ZNF653: variants seen among roughly 807,000 people sequenced by gnomAD.
ZNF653 encodes the protein zinc finger protein 653.
In ZNF653, 37 loss-of-function variants were observed where a neutral mutation model predicts 59.9. The ratio of observed to expected loss-of-function variants is 0.62; its 90% confidence interval spans 0.48 to 0.81. The LOEUF (loss-of-function observed/expected upper bound fraction) is 0.81, where lower values mean the gene tolerates loss of function less well. ZNF653 is among the 40% of genes least tolerant of loss of function. The pLI, the probability that ZNF653 is intolerant of heterozygous loss-of-function variation, is 0.00. For synonymous variants in ZNF653, 435 were observed against 371.8 expected (o/e 1.17, Z -1.96); for missense variants, 808 against 881.1 (o/e 0.92, Z 1.05).
chr19:11,493,401 G>C (rs987073427), intron 3 of ZNF653, among the ~76,000 whole-genome samples: 3 of 152,132 alleles, frequency 2.0e-5, no homozygotes, highest in Non-Finnish European at 4.4e-5. Context: ...AAGGGTTTAG[G>C]ACAGTAGGAG....
rs549320045 is a variant in ZNF653, at chr19:11,483,929, G to A, written c.1671-70C>T. ...GGGCGGGGCGGGGCCCTACAAGGCCGAGCGCAGGTGGAACCGGGCCCAGAC... is the reference window on the plus strand; with the variant it reads ...GGGCGGGGCGGGGCCCTACAAGGCCAAGCGCAGGTGGAACCGGGCCCAGAC... On this transcript the variant is annotated intron_variant, in intron 8 of 8. Coordinates refer to ENST00000293771, the MANE Select transcript of ZNF653 (RefSeq NM_138783.4). The A allele has an allele frequency of 6.4e-4, 971 of 1,516,218 alleles. 9 individuals are homozygous for A. In the African/African-American group the frequency reaches 0.012, roughly 19 times the overall value. The allele number at this position is 1,516,218 out of a possible 1,614,324, so 93.9% of individuals were successfully genotyped here.
Position 11,498,354 on chromosome 19 carries a change from G to T in ZNF653, c.300-15C>A. ...CCCAAGGCTTCCTGCAACAGAAAGA[G>T]GCAGAGAGGGTGAACGGGGGACCAG... On this transcript the variant is annotated splice_polypyrimidine_tract_variant and intron_variant, in intron 1 of 8. Transcript: ENST00000293771. 6.2e-7 allele frequency: 1 copy of T among 1,614,062 alleles called. No individual in the cohort carries two copies. Among genetic ancestry groups the T allele is most frequent in the South Asian group, 1.1e-5 (1 of 91,078 alleles).
intron 7 of ZNF653, 131 bp downstream of exon 7, chr19:11,485,525 G>C (rs1016965403): frequency 1.9e-5 from 12 of 647,882 alleles, no homozygotes; most frequent in Middle Eastern, 4.2e-4. Context: ...GGACAGGGAG[G>C]AGGCTCCTAG....
At chr19:11,493,978 C>T (rs1290338781) in intron 3 of ZNF653, among the ~76,000 whole-genome samples, 1 of 151,840 alleles carries the variant, frequency 6.6e-6, no homozygotes. Context: ...ATGATGGCAC[C>T]ACTGCACTCC....
intron 1 of ZNF653, among the ~76,000 whole-genome samples, chr19:11,502,074 T>C (rs1410894143): frequency 6.6e-6 from 1 of 151,940 alleles, no homozygotes; most frequent in Non-Finnish European, 1.5e-5. Context: ...ATTATAGGCG[T>C]GAGCCATCGC....
rs1363820591 is a variant in ZNF653, at chr19:11,483,827, C to T, written c.1703G>A (p.Arg568His). Reference protein sequence around the residue: ...CEICGYQCRQRASLNWHMKKH... With the variant: ...CEICGYQCRQHASLNWHMKKH... ...CTTCATGTGCCAGTTGAGCGACGCG[C>T]GCTGCCGGCACTGGTAGCCACAGAT... Residue 568 changes from arginine (R) to histidine (H), a missense_variant, in exon 9 of 9, where the codon CGC becomes CAC. Arg to His is a conservative substitution (Grantham distance 29). Coordinates refer to ENST00000293771, the MANE Select transcript of ZNF653 (RefSeq NM_138783.4). 3 of 1,603,282 alleles carry T rather than the reference C, an allele frequency of 1.9e-6. No individual in the cohort carries two copies. The highest frequency in any genetic ancestry group is 2.6e-6 in the Non-Finnish European group (3 of 1,175,802).
rs368143464 is a variant in ZNF653 at position 11,489,950 on chromosome 19, G to A, written c.560-2047C>T. 3.9e-4 allele frequency among the ~76,000 whole-genome samples: 60 copies of A among 152,314 alleles called. 1 individual carries two copies. The South Asian group carries it at 9.7e-3, about 25-fold the overall frequency. ...CTAATGGGGTTAAAGGCCACCCTCC[G>A]ATTCTCGATGCCAACTGAATGTCCA... On this transcript the variant is annotated intron_variant, in intron 3 of 8. Transcript: ENST00000293771.
chr19:11,500,250 C>A (rs1351177880), intron 1 of ZNF653, among the ~76,000 whole-genome samples: 1 of 152,190 alleles, frequency 6.6e-6, no homozygotes, highest in Non-Finnish European at 1.5e-5. Context: ...CTGCCTCTGG[C>A]TCTGCTACTC....
chr19:11,502,185 G>A (rs1220768313), intron 1 of ZNF653, among the ~76,000 whole-genome samples: 2 of 151,874 alleles, frequency 1.3e-5, no homozygotes, highest in Non-Finnish European at 2.9e-5. Context: ...TCCACCTCCC[G>A]GGTTCCAGTG....
At chr19:11,492,665 T>G (rs1971540957) in intron 3 of ZNF653, among the ~76,000 whole-genome samples, 1 of 152,048 alleles carries the variant, frequency 6.6e-6, no homozygotes, top group Admixed American at 6.6e-5. Context: ...TTTTTATTGG[T>G]TTATCCTGCT....
At chr19:11,486,915 G>C (rs375704102) in intron 5 of ZNF653, 35 bp from the exon 6 acceptor site, 1 of 1,610,532 alleles carries the variant, frequency 6.2e-7, no homozygotes, top group South Asian at 1.1e-5. Context: ...CGGGGCTCCC[G>C]CACCAGGCAG....
rs768490880 is a variant in ZNF653 at position 11,495,927 on chromosome 19, G to A, written c.559+23C>T. ...CCCCCAGAAATGGGCGGCCCCCTAT[G>A]TGCCCTCGCCCTGCAGACCTACCTT... is the stretch of plus-strand genomic sequence containing the variant. On this transcript the variant is annotated intron_variant, in intron 3 of 8. Transcript: ENST00000293771. The surrounding 1 kb of genome is among the most constrained non-coding windows in gnomAD (Gnocchi z 4.9). 2 of 1,607,462 alleles carry A rather than the reference G, an allele frequency of 1.2e-6. No individual in the cohort carries two copies. The highest frequency in any genetic ancestry group is 1.7e-5 in the Admixed American group (1 of 59,264).
Position 11,483,761 on chromosome 19 carries a change from C to G in ZNF653, c.1769G>C (p.Arg590Pro). The change falls in exon 9 of 9, where the codon CGC becomes CCC. Residue 590 changes from arginine (R) to proline (P), a missense_variant. Transcript: ENST00000293771. ...CAGCTTCTCGAAGCGCTTCCCGCAG[C>G]GATCGCACGTGAAGTTGTACTGCAC... The part of the protein sequence containing the change: ...AEVQYNFTCD[R>P]CGKRFEKLDS... The G allele has an allele frequency of 6.2e-7, 1 of 1,613,622 alleles. No individual in the cohort carries two copies. Among genetic ancestry groups the G allele is most frequent in the Non-Finnish European group, 8.5e-7 (1 of 1,179,676 alleles).
At chr19:11,498,725 T>C (rs12611081) in intron 1 of ZNF653, among the ~76,000 whole-genome samples, 11,703 of 150,976 alleles carry the variant, frequency 0.078, 724 homozygotes, top group African/African-American at 0.17. Context: ...ATTACAGGCA[T>C]GAGCCGCCAC....
At chr19:11,499,179 C>T (rs1359833282) in intron 1 of ZNF653, among the ~76,000 whole-genome samples, 1 of 152,192 alleles carries the variant, frequency 6.6e-6, no homozygotes, top group Non-Finnish European at 1.5e-5. Context: ...AGGGGTGAGG[C>T]CATCTGCCCT....
intron 1 of ZNF653, among the ~76,000 whole-genome samples, chr19:11,501,317 C>T (rs1408236136): frequency 2.6e-5 from 4 of 151,350 alleles, no homozygotes; most frequent in African/African-American, 9.7e-5. Flanking sequence ...TAGCTGGGAC[C>T]ACAGGCATGC....
At chr19:11,489,245 GCTGGAGTGCAGTGGTGCGAT>G (rs1214873556) in intron 3 of ZNF653, among the ~76,000 whole-genome samples, 2 of 151,944 alleles carry the variant, frequency 1.3e-5, no homozygotes, top group Non-Finnish European at 2.9e-5. Flanking sequence ...TGTCACCCAG[GCTGGAGTGCAGTGGTGCGAT>G]CCGGGCTCAC....
chr19:11,485,417 C>T (rs919066012), intron 7 of ZNF653, among the ~76,000 whole-genome samples: 37 of 152,106 alleles, frequency 2.4e-4, no homozygotes, highest in African/African-American at 8.7e-4. Context: ...GGCATGGGGT[C>T]GCGGGGATAG....
intron 1 of ZNF653, 108 bp downstream of exon 1, chr19:11,505,380 G>A: frequency 8.5e-7 from 1 of 1,182,126 alleles, no homozygotes; most frequent in Non-Finnish European, 1.1e-6. Flanking sequence ...TCCTGGGCGG[G>A]GTCCGCAGGT....
Sources: gnomAD v4.1 joint callset for allele counts (sites outside exome capture counted in the v4.1 genomes callset) on GRCh38, gnomAD v4.1.1 for gene constraint, Gnocchi (gnomAD v3.1) non-coding constraint, MANE v1.5 for transcripts, NCBI Gene and HGNC (gene_info 2026-07-23, HGNC 2026-07-21) for gene names.